The following RFX3 variants were observed in gnomAD, a reference collection of about 807,000 sequenced individuals.
The protein encoded by RFX3 is transcription factor RFX3.
Under a neutral mutation model 98.6 loss-of-function variants are expected in RFX3, and 14 were observed. The observed-to-expected ratio is 0.14, with a 90% CI of 0.09 to 0.22. The LOEUF (loss-of-function observed/expected upper bound fraction) is 0.22. Among genes scored for constraint, RFX3 ranks in the 10% least tolerant of loss-of-function variants. The pLI, the probability that RFX3 is intolerant of heterozygous loss-of-function variation, is 1.00. For synonymous variants in RFX3, 383 were observed against 328.4 expected (o/e 1.17, Z -1.80); for missense variants, 639 against 926.9 (o/e 0.69, Z 4.03).
intron 2 of RFX3, among the ~76,000 whole-genome samples, chr9:3,380,424 T>C (rs1587419653): frequency 6.6e-6 from 1 of 152,190 alleles, no homozygotes; most frequent in Non-Finnish European, 1.5e-5. Flanking sequence ...CCAGTCTCTT[T>C]GACCTAACAT....
chr9:3,339,478 T>C (rs149857848), intron 3 of RFX3, among the ~76,000 whole-genome samples: 2 of 152,362 alleles, frequency 1.3e-5, no homozygotes, highest in Non-Finnish European at 2.9e-5. Flanking sequence ...GAAAGCTGTG[T>C]GAATGCCACA....
intron 3 of RFX3, among the ~76,000 whole-genome samples, chr9:3,343,895 T>C (rs957782898): frequency 6.6e-6 from 1 of 152,188 alleles, no homozygotes; most frequent in African/African-American, 2.4e-5. Context: ...TTAGTCATGA[T>C]CTAACCAGCT....
intron 4 of RFX3, among the ~76,000 whole-genome samples, chr9:3,304,759 C>G (rs1341068146): frequency 2.0e-5 from 3 of 152,050 alleles, no homozygotes; most frequent in Non-Finnish European, 2.9e-5. Context: ...ACACATGGAA[C>G]TGTGAGTCCA....
intron 1 of RFX3, among the ~76,000 whole-genome samples, chr9:3,488,277 A>G (rs1283997715): frequency 6.6e-6 from 1 of 152,192 alleles, no homozygotes; most frequent in East Asian, 1.9e-4. Flanking sequence ...CAAGAGAAGG[A>G]CTTCACCAAC....
intron 4 of RFX3, among the ~76,000 whole-genome samples, chr9:3,310,203 G>T (rs1201637731): frequency 6.6e-6 from 1 of 152,110 alleles, no homozygotes; most frequent in Non-Finnish European, 1.5e-5. Context: ...GAGGTGTTGA[G>T]TCTTTTGTAT....
chr9:3,429,092 G>T (rs895365370), intron 1 of RFX3, among the ~76,000 whole-genome samples: 1 of 148,326 alleles, frequency 6.7e-6, no homozygotes, highest in Non-Finnish European at 1.5e-5. Context: ...GCGCGATCTC[G>T]GCTCACTGCA....
intron 5 of RFX3, among the ~76,000 whole-genome samples, chr9:3,298,042 G>A (rs1828199997): frequency 6.6e-6 from 1 of 151,606 alleles, no homozygotes; most frequent in Non-Finnish European, 1.5e-5. Flanking sequence ...CATTTAGGCA[G>A]ACTATACATC....
intron 2 of RFX3, among the ~76,000 whole-genome samples, chr9:3,377,196 A>T (rs1172407122): frequency 6.6e-6 from 1 of 152,256 alleles, no homozygotes; most frequent in Admixed American, 6.5e-5. Flanking sequence ...AACCAACCCA[A>T]ATGTCCATCA....
At position 3,220,784 on chromosome 9, in the gene RFX3, A is replaced by G. The variant is rs893586248; in HGVS notation, c.*4258T>C. ...AGGGTTAATACAAGGCATTACATCA[A>G]AGGGGTTTTCTAATACTAGAACTAA... On this transcript the variant is annotated 3_prime_UTR_variant, in exon 17 of 17. Transcript: ENST00000617270. The G allele has an allele frequency of 6.6e-6, 1 of 152,170 alleles. No individual in the cohort carries two copies. Among genetic ancestry groups the G allele is most frequent in the Non-Finnish European group, 1.5e-5 (1 of 68,030 alleles). The allele number at this position is 152,170 out of a possible 1,614,324, so 9.4% of individuals were successfully genotyped here. A position where few individuals can be genotyped will look rare whatever the true frequency, so the allele number is the denominator to read the frequency against.
chr9:3,302,531 A>G (rs1235985763), intron 4 of RFX3, among the ~76,000 whole-genome samples: 3 of 149,326 alleles, frequency 2.0e-5, no homozygotes, highest in African/African-American at 7.4e-5. Context: ...GCTAAATTCA[A>G]AAGAAAAAAA....
intron 2 of RFX3, among the ~76,000 whole-genome samples, chr9:3,387,598 T>C (rs945673679): frequency 6.6e-6 from 1 of 151,856 alleles, no homozygotes; most frequent in East Asian, 1.9e-4. Context: ...GTTCTAAAAA[T>C]AAATCTCTCC....
intron 1 of RFX3, among the ~76,000 whole-genome samples, chr9:3,434,024 GTACTAATC>G (rs1396328341): frequency 6.6e-6 from 1 of 152,114 alleles, no homozygotes; most frequent in Non-Finnish European, 1.5e-5. Flanking sequence ...TATACTATTT[GTACTAATC>G]ATGTGAAATC....
At chr9:3,452,687 T>G (rs1846767616) in intron 1 of RFX3, among the ~76,000 whole-genome samples, 1 of 152,196 alleles carries the variant, frequency 6.6e-6, no homozygotes, top group South Asian at 2.1e-4. Flanking sequence ...GAAAAAGACA[T>G]ACTTTGCACT....
intron 1 of RFX3, among the ~76,000 whole-genome samples, chr9:3,498,931 A>G (rs1412427169): frequency 6.6e-6 from 1 of 152,084 alleles, no homozygotes; most frequent in African/African-American, 2.4e-5. Context: ...GCTTCCCTCT[A>G]TGGGTCCAAC....
At chr9:3,423,329 A>G (rs1038233655) in intron 1 of RFX3, among the ~76,000 whole-genome samples, 1 of 152,240 alleles carries the variant, frequency 6.6e-6, no homozygotes, top group African/African-American at 2.4e-5. Context: ...CTAAACAAAG[A>G]CTTACAAAGA....
intron 1 of RFX3, among the ~76,000 whole-genome samples, chr9:3,446,588 G>A (rs1438818311): frequency 6.6e-6 from 1 of 151,286 alleles, no homozygotes; most frequent in East Asian, 1.9e-4. Flanking sequence ...TCCTTCTGCA[G>A]ATAATGAGAC....
chr9:3,319,053 TTAAA>T (rs1448287069), intron 4 of RFX3, among the ~76,000 whole-genome samples: 1 of 152,236 alleles, frequency 6.6e-6, no homozygotes, highest in Non-Finnish European at 1.5e-5. Flanking sequence ...TGGGTTAGAA[TTAAA>T]TAATAGGATT....
intron 2 of RFX3, among the ~76,000 whole-genome samples, chr9:3,364,117 G>T (rs1029079662): frequency 9.2e-5 from 14 of 152,178 alleles, no homozygotes; most frequent in African/African-American, 3.1e-4. Flanking sequence ...CTCATGATCT[G>T]CGGGCCTCGG....
At chr9:3,417,963 C>T (rs530960726) in intron 1 of RFX3, among the ~76,000 whole-genome samples, 10 of 152,236 alleles carry the variant, frequency 6.6e-5, no homozygotes, top group African/African-American at 2.2e-4. Flanking sequence ...CCTATTTTCA[C>T]CTAATAAAAG....
Sources: allele counts gnomAD v4.1 joint callset (sites outside exome capture counted in the v4.1 genomes callset), GRCh38; gene constraint gnomAD v4.1.1; transcripts MANE v1.5; gene names NCBI Gene and HGNC (gene_info 2026-07-23, HGNC 2026-07-21).